HM13: variants seen among roughly 807,000 people sequenced by gnomAD.
The protein encoded by HM13 is signal peptide peptidase.
HM13 carries 18 observed loss-of-function variants against 50.0 expected under a neutral mutation model. The ratio of observed to expected loss-of-function variants is 0.36; its 90% confidence interval spans 0.25 to 0.53. HM13 has a LOEUF of 0.53. Among genes scored for constraint, HM13 ranks in the 20% least tolerant of loss-of-function variants. The pLI, the probability that HM13 is intolerant of heterozygous loss-of-function variation, is 0.90. For synonymous variants in HM13, 197 were observed against 232.6 expected, an observed-to-expected ratio of 0.85 and a Z score of 1.39; for missense variants, 393 against 552.4, an observed-to-expected ratio of 0.71 and a Z score of 2.89.
chr20:31,561,589 C>A, intron 9 of HM13, 45 bp from the exon 10 acceptor site: 1 of 1,307,076 alleles, frequency 7.7e-7, no homozygotes, highest in Non-Finnish European at 1.1e-6. Flanking sequence ...CTAGTTCAGT[C>A]CCTATATCTA....
At chr20:31,519,721 T>A (rs546866544) in intron 1 of HM13, among the ~76,000 whole-genome samples, 3 of 152,310 alleles carry the variant, frequency 2.0e-5, no homozygotes, top group Admixed American at 2.0e-4. Context: ...ATTTAGGTTG[T>A]TTCAGTCTTT....
At chr20:31,546,107 C>T (rs895085358) in intron 4 of HM13, among the ~76,000 whole-genome samples, 1 of 144,768 alleles carries the variant, frequency 6.9e-6, no homozygotes, top group Non-Finnish European at 1.5e-5. Flanking sequence ...TGGAGTGCAG[C>T]GGCACAATCT....
intron 2 of HM13, among the ~76,000 whole-genome samples, chr20:31,534,663 G>T (rs970501236): frequency 1.3e-5 from 2 of 152,112 alleles, no homozygotes; most frequent in African/African-American, 4.8e-5. Context: ...CACACCTGTA[G>T]TCCCAACTAC....
At chr20:31,568,378 A>C (rs1600677188) in intron 12 of HM13, 154 bp downstream of exon 12, 1 of 1,111,824 alleles carries the variant, frequency 9.0e-7, no homozygotes, top group South Asian at 1.7e-5. Context: ...CAGTGGTTGC[A>C]CCGAGCCATA....
chr20:31,566,224 C>T lies in HM13; in HGVS notation c.963C>T (p.Tyr321=). The change falls in exon 11 of 13, where the codon TAC becomes TAT. Residue 321 remains tyrosine, a synonymous_variant. Coordinates refer to ENST00000398174, the MANE Select transcript of HM13 (RefSeq NM_178581.3). ...TCCTCTCATAGCCTGCCCTCCTATACCTGGTCCCCGCCTGCATCGGTTTTC... is the reference window on the plus strand; with the variant it reads ...TCCTCTCATAGCCTGCCCTCCTATATCTGGTCCCCGCCTGCATCGGTTTTC... ...IFKHAQPALL[Y]LVPACIGFPV... 6.2e-7 allele frequency: 1 copy of T among 1,613,844 alleles called. No individual in the cohort carries two copies. Among genetic ancestry groups the T allele is most frequent in the Non-Finnish European group, 8.5e-7 (1 of 1,179,852 alleles).
chr20:31,515,173 A>AC (rs1376080874), intron 1 of HM13, among the ~76,000 whole-genome samples: 3 of 152,008 alleles, frequency 2.0e-5, no homozygotes, highest in South Asian at 2.1e-4. Context: ...CCTGTTAGGA[A>AC]CCCTGCCTCA....
At chr20:31,535,085 C>CAAA (rs977507318) in intron 2 of HM13, among the ~76,000 whole-genome samples, 1 of 123,384 alleles carries the variant, frequency 8.1e-6, no homozygotes, top group Non-Finnish European at 1.7e-5. Flanking sequence ...GACTCCGTCT[C>CAAA]AAAAAAAAAA....
chr20:31,522,401 A>AAAAAT (rs1982219016), intron 1 of HM13, among the ~76,000 whole-genome samples: 1 of 152,090 alleles, frequency 6.6e-6, no homozygotes, highest in Non-Finnish European at 1.5e-5. Flanking sequence ...CATCTCTACT[A>AAAAAT]AAAATACAAA....
intron 9 of HM13, 99 bp from the exon 10 acceptor site, chr20:31,561,535 C>CA: frequency 1.2e-6 from 1 of 825,580 alleles, no homozygotes; most frequent in Non-Finnish European, 2.1e-6. Context: ...GTCACCCCCC[C>CA]ACAACCTCTA....
In HM13 at chr20:31,548,510, G is replaced by T. The variant is rs73233663; in HGVS notation, c.455-519G>T. 1,452 of 184,468 alleles carry T rather than the reference G, an allele frequency of 7.9e-3. 19 individuals are homozygous for T. Among genetic ancestry groups the T allele is most frequent in the African/African-American group, 0.032 (1,362 of 42,502 alleles). 11.4% of individuals were successfully genotyped at this position (184,468 alleles called of 1,614,324 possible). A position where few individuals can be genotyped will look rare whatever the true frequency, so the allele number is the denominator to read the frequency against. On this transcript the variant is annotated intron_variant, in intron 4 of 12. Coordinates refer to ENST00000398174, the MANE Select transcript of HM13 (RefSeq NM_178581.3). The stretch of plus-strand genomic sequence containing the variant: ...TCATCCTTTGGTGGCAAAGTAGAAA[G>T]ATTCCAGAATTAACTCGACCTTTCT...
chr20:31,514,790 A>G lies in HM13; in HGVS notation c.183+56A>G, dbSNP rs1981670561. On this transcript the variant is annotated intron_variant, in intron 1 of 12. Transcript: ENST00000398174. The surrounding 1 kb of genome is among the most constrained non-coding windows in gnomAD (Gnocchi z 4.3). ...CACCCCCATACCGAACACGGCCGAC[A>G]TGGACCCTTCCTAGGCGGGACAGAC... 1.4e-6 allele frequency: 2 copies of G among 1,436,758 alleles called. No homozygotes were observed. The highest frequency in any genetic ancestry group is 4.7e-5 in the Admixed American group (2 of 42,164). The allele number at this position is 1,436,758 out of a possible 1,614,324, so 89.0% of individuals were successfully genotyped here.
intron 2 of HM13, among the ~76,000 whole-genome samples, chr20:31,531,618 G>A (rs1982825226): frequency 6.6e-6 from 1 of 151,568 alleles, no homozygotes; most frequent in African/African-American, 2.4e-5. Flanking sequence ...TTTGTTTTTT[G>A]AGACGGAGTC....
At chr20:31,545,723 ATTTC>A (rs1441295002) in intron 4 of HM13, among the ~76,000 whole-genome samples, 3 of 152,270 alleles carry the variant, frequency 2.0e-5, no homozygotes, top group Non-Finnish European at 2.9e-5. Context: ...AACAGCAGGT[ATTTC>A]TTTGTTTTTT....
At chr20:31,564,656 A>G (rs887692734) in intron 10 of HM13, among the ~76,000 whole-genome samples, 6 of 152,106 alleles carry the variant, frequency 3.9e-5, no homozygotes, top group Non-Finnish European at 7.4e-5. Context: ...ACCTGACTCC[A>G]TGTGAAAGAA....
chr20:31,542,300 A>T (rs966009622), intron 3 of HM13, among the ~76,000 whole-genome samples: 3 of 152,162 alleles, frequency 2.0e-5, no homozygotes, highest in Non-Finnish European at 2.9e-5. Flanking sequence ...TTACTTCATC[A>T]TCTGTGTCTG....
intron 1 of HM13, among the ~76,000 whole-genome samples, chr20:31,521,248 T>C (rs115959613): frequency 2.6e-5 from 4 of 152,176 alleles, no homozygotes; most frequent in African/African-American, 9.7e-5. Context: ...GTTAAAACTT[T>C]CCAACCGAAA....
chr20:31,521,390 C>T (rs188972206), intron 1 of HM13, among the ~76,000 whole-genome samples: 4 of 152,264 alleles, frequency 2.6e-5, no homozygotes, highest in African/African-American at 9.6e-5. Context: ...AGTTACTTCA[C>T]CTCTCTAGAC....
intron 11 of HM13, 46 bp downstream of exon 11, chr20:31,566,341 C>G (rs771002330): frequency 1.3e-6 from 2 of 1,500,440 alleles, no homozygotes; most frequent in Non-Finnish European, 1.9e-6. Context: ...ACCAGTGTGC[C>G]TGCTGGCAGT....
Position 31,527,517 on chromosome 20 carries a change from C to T in HM13, c.217C>T (p.Arg73Trp), listed in dbSNP as rs1485726046. ...AGACATGCCTGAAACAATCACCAGC[C>T]GGGATGCCGCCCGCTTCCCCATCAT... ...ASDMPETITS[R>W]DAARFPIIAS... is the part of the protein sequence containing the mutation. The change falls in exon 2 of 13, where the codon CGG (arginine) becomes TGG (tryptophan). Residue 73 changes from arginine to tryptophan, a missense_variant. This residue lies in a region of HM13 where 214 missense variants were observed against 276.1 expected (regional missense o/e 0.77). Transcript: ENST00000398174. 34 of 1,614,010 alleles carry T rather than the reference C, an allele frequency of 2.1e-5. No homozygotes were observed. Among genetic ancestry groups the T allele is most frequent in the Non-Finnish European group, 2.9e-5 (34 of 1,179,936 alleles).
Sources: allele counts gnomAD v4.1 joint callset (sites outside exome capture counted in the v4.1 genomes callset), GRCh38; gene constraint gnomAD v4.1.1; regional missense constraint gnomAD v4.1.1; non-coding constraint Gnocchi (gnomAD v3.1); transcripts MANE v1.5; gene names NCBI Gene and HGNC (gene_info 2026-07-23, HGNC 2026-07-21).